The following USP54 variants were observed in gnomAD, a reference collection of about 807,000 sequenced individuals.
The protein encoded by USP54 is ubiquitin carboxyl-terminal hydrolase 54.
A neutral mutation model predicts 170.5 loss-of-function variants in USP54; 87 were observed. The observed-to-expected ratio is 0.51, with a 90% CI of 0.43 to 0.61. USP54 has a LOEUF of 0.61. Ranked by LOEUF, USP54 falls within the 20% of genes least tolerant of loss-of-function variation. The probability of loss-of-function intolerance (pLI) is 0.00; values close to 1 mark genes in which losing one functional copy is unlikely to be tolerated. For synonymous variants in USP54, 655 were observed against 742.8 expected (o/e 0.88, Z 1.92); for missense variants, 1,786 against 2,047.8 (o/e 0.87, Z 2.47).
chr10:73,617,593 G>A (rs1439279192), intron 1 of USP54, among the ~76,000 whole-genome samples: 1 of 150,472 alleles, frequency 6.6e-6, no homozygotes, highest in Non-Finnish European at 1.5e-5. Flanking sequence ...ACTTTGGAGG[G>A]CTGAGGTGGA....
chr10:73,499,410 C>T (rs2133101275), intron 23 of USP54, among the ~76,000 whole-genome samples: 1 of 152,248 alleles, frequency 6.6e-6, no homozygotes, highest in East Asian at 1.9e-4. Context: ...GAAACAGTCT[C>T]ATGGATGTTG....
intron 15 of USP54, among the ~76,000 whole-genome samples, chr10:73,528,415 C>A (rs1326427938): frequency 6.6e-6 from 1 of 150,620 alleles, no homozygotes; most frequent in African/African-American, 2.5e-5. Flanking sequence ...CCACGCCCGG[C>A]TAATTTTTGT....
chr10:73,559,497 T>C (rs1229860296), intron 4 of USP54, among the ~76,000 whole-genome samples: 1 of 147,868 alleles, frequency 6.8e-6, no homozygotes, highest in African/African-American at 2.5e-5. Context: ...GAGGTGGAGG[T>C]TGCGATGAGC....
chr10:73,582,962 CATG>C (rs1162788560), intron 1 of USP54, among the ~76,000 whole-genome samples: 1 of 152,126 alleles, frequency 6.6e-6, no homozygotes, highest in African/African-American at 2.4e-5. Context: ...TCATGAATGC[CATG>C]ATATGATGCA....
chr10:73,531,156 G>A lies in USP54; in HGVS notation c.1316-321C>T, dbSNP rs184756675. Among the ~76,000 whole-genome samples, 92 of 152,112 alleles carry A rather than the reference G, an allele frequency of 6.0e-4. 1 individual carries two copies. The highest frequency in any genetic ancestry group is 3.3e-3 in the East Asian group (17 of 5,168). On this transcript the variant is annotated intron_variant, in intron 12 of 23. Coordinates refer to ENST00000687698, the MANE Select transcript of USP54 (RefSeq NM_001391956.1). ...CTACTAAAAATACAAAAATTAGTCC[G>A]GCATGGTGGCATGTGCCTGTAGTCC...
In USP54 at chr10:73,530,253, C is replaced by T. The variant is rs753823026; in HGVS notation, c.1718G>A (p.Arg573His). 9 of 1,614,036 alleles carry T rather than the reference C, an allele frequency of 5.6e-6. No individual in the cohort carries two copies. The highest frequency in any genetic ancestry group is 3.3e-5 in the South Asian group (3 of 91,084). Residue 573 changes from arginine to histidine, a missense_variant, in exon 14 of 24, where the codon CGT (arginine) becomes CAT (histidine). Physicochemically the swap from Arg to His is conservative, Grantham distance 29 (BLOSUM62 0). This residue lies in a region of USP54 where 1,418 missense variants were observed against 1,569.0 expected (regional missense o/e 0.90). Coordinates refer to ENST00000687698, the MANE Select transcript of USP54 (RefSeq NM_001391956.1). Reference protein sequence around the residue: ...ESKSSSSSKYRPTWRPKRESL... With the variant: ...ESKSSSSSKYHPTWRPKRESL... The stretch of plus-strand genomic sequence containing the variant: ...TTCTCGTTTGGGTCTCCATGTGGGA[C>T]GATACTTGCTGGAAGAACTGGATTT...
chr10:73,587,797 T>C (rs550947918), intron 1 of USP54, among the ~76,000 whole-genome samples: 75 of 152,276 alleles, frequency 4.9e-4, no homozygotes, highest in African/African-American at 1.5e-3. Context: ...GTGCCTAATA[T>C]GTGGTAAGTG....
At chr10:73,572,487 T>C (rs2075377260) in intron 3 of USP54, among the ~76,000 whole-genome samples, 1 of 152,226 alleles carries the variant, frequency 6.6e-6, no homozygotes, top group Non-Finnish European at 1.5e-5. Context: ...GCATAATTTC[T>C]GGAGCCCCAG....
At position 73,515,379 on chromosome 10, in the gene USP54, T is replaced by C. The variant is rs181580907; in HGVS notation, c.4051+996A>G. On this transcript the variant is annotated intron_variant, in intron 20 of 23. Coordinates refer to ENST00000687698, the MANE Select transcript of USP54 (RefSeq NM_001391956.1). The stretch of plus-strand genomic sequence containing the variant: ...TTTATACTGAGAGTTAATGTTGGAA[T>C]CAGGAAAATAGTTCAGGCTTTGGAG... 4.3e-3 allele frequency among the ~76,000 whole-genome samples: 650 copies of C among 152,348 alleles called. 3 individuals are homozygous for C. The highest frequency in any genetic ancestry group is 0.014 in the African/African-American group (598 of 41,576).
At chr10:73,602,109 G>C (rs189000347) in intron 1 of USP54, among the ~76,000 whole-genome samples, 275 of 152,268 alleles carry the variant, frequency 1.8e-3, no homozygotes, top group Non-Finnish European at 3.1e-3. Context: ...TAAATGTACT[G>C]TATGTATTTA....
Position 73,603,763 on chromosome 10 carries a change from A to C in USP54, c.-18+21804T>G, listed in dbSNP as rs973162870. Among the ~76,000 whole-genome samples, 2 of 137,158 alleles carry C rather than the reference A, an allele frequency of 1.5e-5. 1 individual carries two copies. Among genetic ancestry groups the C allele is most frequent in the South Asian group, 4.4e-4 (2 of 4,586 alleles). 90.0% of individuals were successfully genotyped at this position (137,158 alleles called of 152,430 possible). ...ACCCTGTCTCAAAAACAAAAACAAC[A>C]AAAAAAAAAACTACAAGTCAACAAC... On this transcript the variant is annotated intron_variant, in intron 1 of 22. Coordinates refer to the USP54 transcript ENST00000339859.
At chr10:73,523,391 C>T (rs546290347) in intron 17 of USP54, among the ~76,000 whole-genome samples, 192 bp downstream of exon 17, 1 of 152,280 alleles carries the variant, frequency 6.6e-6, no homozygotes, top group African/African-American at 2.4e-5. Flanking sequence ...TAGATGTGCC[C>T]CAAATCAGTG....
At chr10:73,563,959 G>T (rs1037213977) in intron 4 of USP54, among the ~76,000 whole-genome samples, 1 of 150,410 alleles carries the variant, frequency 6.6e-6, no homozygotes, top group African/African-American at 2.4e-5. Flanking sequence ...CCCTATCCCT[G>T]AGGTCATGAT....
chr10:73,566,498 C>T (rs374824500), intron 4 of USP54, among the ~76,000 whole-genome samples: 7 of 151,918 alleles, frequency 4.6e-5, no homozygotes, highest in South Asian at 2.1e-4. Flanking sequence ...CTTTGGGGGC[C>T]GAGGCGGGTG....
intron 20 of USP54, among the ~76,000 whole-genome samples, chr10:73,509,201 T>C (rs2059798892): frequency 1.3e-5 from 2 of 149,910 alleles, no homozygotes; most frequent in Middle Eastern, 3.2e-3. Context: ...AACAACTGTA[T>C]AAAGACATTT....
chr10:73,570,439 C>G (rs2074916394), intron 4 of USP54, among the ~76,000 whole-genome samples: 1 of 150,130 alleles, frequency 6.7e-6, no homozygotes, highest in Non-Finnish European at 1.5e-5. Context: ...AAACTTAAAA[C>G]TAAACAATAC....
At chr10:73,569,627 C>G (rs977053756) in intron 4 of USP54, among the ~76,000 whole-genome samples, 1 of 151,766 alleles carries the variant, frequency 6.6e-6, no homozygotes, top group African/African-American at 2.4e-5. Context: ...GTGGCAGGTG[C>G]CTGTAATCCC....
intron 4 of USP54, among the ~76,000 whole-genome samples, chr10:73,559,588 C>T (rs1337408419): frequency 6.7e-6 from 1 of 148,422 alleles, no homozygotes; most frequent in Non-Finnish European, 1.5e-5. Context: ...ATTAGACGGG[C>T]GTGGTGGAAG....
intron 10 of USP54, among the ~76,000 whole-genome samples, chr10:73,538,795 G>A (rs2065883513): frequency 6.6e-6 from 1 of 152,144 alleles, no homozygotes; most frequent in Non-Finnish European, 1.5e-5. Context: ...CTGGGCAATA[G>A]AGTGAGGAAA....
Sources: allele counts gnomAD v4.1 joint callset (sites outside exome capture counted in the v4.1 genomes callset), GRCh38; gene constraint gnomAD v4.1.1; regional missense constraint gnomAD v4.1.1; transcripts MANE v1.5; gene names NCBI Gene and HGNC (gene_info 2026-07-23, HGNC 2026-07-21).